Variants in TMEM132D observed in about 807,000 individuals in gnomAD.
TMEM132D encodes the protein transmembrane protein 132D, also known as mature OL transmembrane protein.
TMEM132D carries 21 observed loss-of-function variants against 62.3 expected under a neutral mutation model. The observed-to-expected ratio is 0.34, with a 90% confidence interval of 0.24 to 0.49. TMEM132D has a LOEUF of 0.49. Among genes scored for constraint, TMEM132D ranks in the 20% least tolerant of loss-of-function variants. TMEM132D has a pLI of 0.99. For synonymous variants in TMEM132D, 621 were observed against 575.6 expected, an observed-to-expected ratio of 1.08 and a Z score of -1.13; for missense variants, 1,346 against 1,402.8, an observed-to-expected ratio of 0.96 and a Z score of 0.65.
intron 2 of TMEM132D, among the ~76,000 whole-genome samples, chr12:129,547,896 C>G (rs12321807): frequency 1.3e-5 from 2 of 152,228 alleles, no homozygotes; most frequent in East Asian, 3.9e-4. Context: ...AGCTAGTGGG[C>G]GGCCGACTCC....
rs761892015 is a variant in TMEM132D at position 129,524,920 on chromosome 12, C to CTTTTTTT, written c.1115+6138_1115+6139insAAAAAAA. Among the ~76,000 whole-genome samples the CTTTTTTT allele has an allele frequency of 6.4e-4, 59 of 92,160 alleles. 7 individuals are homozygous for CTTTTTTT. Among genetic ancestry groups the CTTTTTTT allele is most frequent in the African/African-American group, 8.5e-4 (19 of 22,484 alleles). The allele number at this position is 92,160 out of a possible 152,430, so 60.5% of individuals were successfully genotyped here. On this transcript the variant is annotated intron_variant, in intron 3 of 8. Coordinates refer to ENST00000422113, the MANE Select transcript of TMEM132D (RefSeq NM_133448.3). ...CATTTTATTATTTTCATATTTTTTTCTTTTTTCTTTTTTTTTTTTTTTTTG... is the reference window on the plus strand; with the variant it reads ...CATTTTATTATTTTCATATTTTTTTCTTTTTTTTTTTTTCTTTTTTTTTTTTTTTTTG...
rs2137226429 is a variant in TMEM132D, at chr12:129,700,209, C to T, written c.569G>A (p.Gly190Glu). ...RGSCRLQGDLGLCVAELELLS... is the reference protein window; with the variant it reads ...RGSCRLQGDLELCVAELELLS... ...GAGCTCCAGCTCGGCCACGCACAGC[C>T]CCAGGTCCCCCTGCAGCCGGCAGCT... Residue 190 changes from glycine to glutamate, a missense_variant, in exon 2 of 9, where the codon GGG becomes GAG. Coordinates refer to ENST00000422113, the MANE Select transcript of TMEM132D (RefSeq NM_133448.3). 6.2e-7 allele frequency: 1 copy of T among 1,612,836 alleles called. No individual in the cohort carries two copies. The highest frequency in any genetic ancestry group is 8.5e-7 in the Non-Finnish European group (1 of 1,179,928).
intron 5 of TMEM132D, chr12:129,113,343 C>T (rs754199239): frequency 2.0e-5 from 3 of 152,174 alleles, no homozygotes; most frequent in Non-Finnish European, 4.4e-5. Context: ...GGCAGATGGA[C>T]CTAGGCTGAA....
chr12:129,517,908 T>C (rs1875730295), intron 3 of TMEM132D, among the ~76,000 whole-genome samples: 1 of 152,202 alleles, frequency 6.6e-6, no homozygotes, highest in Non-Finnish European at 1.5e-5. Context: ...CCTTGAAACT[T>C]ATCGGTGTCC....
chr12:129,877,303 G>C (rs1173360020), intron 1 of TMEM132D, among the ~76,000 whole-genome samples: 1 of 151,412 alleles, frequency 6.6e-6, no homozygotes, highest in Non-Finnish European at 1.5e-5. Flanking sequence ...ACACACTGTG[G>C]GTAAGAAGAA....
At position 129,371,793 on chromosome 12, in the gene TMEM132D, T is replaced by C. The variant is rs1009715816; in HGVS notation, c.1116-33976A>G. Among the ~76,000 whole-genome samples, 1 of 152,178 alleles carries C rather than the reference T, an allele frequency of 6.6e-6. No homozygotes were observed. The highest frequency in any genetic ancestry group is 1.5e-5 in the Non-Finnish European group (1 of 68,036). ...CGTATCTGCTGAACCTAGTTCAGTGTGTGGTGATATCAAGAGACTTTCCAA... is the reference window on the plus strand; with the variant it reads ...CGTATCTGCTGAACCTAGTTCAGTGCGTGGTGATATCAAGAGACTTTCCAA... On this transcript the variant is annotated intron_variant, in intron 3 of 8. Transcript: ENST00000422113. This position sits in a 1 kb window ranked among gnomAD's most constrained non-coding sequence, Gnocchi z 4.3.
intron 2 of TMEM132D, among the ~76,000 whole-genome samples, chr12:129,687,224 A>G (rs1241133837): frequency 6.6e-6 from 1 of 152,184 alleles, no homozygotes; most frequent in Non-Finnish European, 1.5e-5. Context: ...AGGGATACTC[A>G]TGCAACATTA....
intron 2 of TMEM132D, among the ~76,000 whole-genome samples, chr12:129,669,422 T>TG (rs1880450049): frequency 6.6e-6 from 1 of 152,120 alleles, no homozygotes; most frequent in African/African-American, 2.4e-5. Context: ...TTGGGAGTTG[T>TG]GGCCAGGTGC....
intron 1 of TMEM132D, among the ~76,000 whole-genome samples, chr12:129,778,482 C>T (rs145133302): frequency 7.9e-5 from 12 of 152,230 alleles, no homozygotes; most frequent in South Asian, 2.1e-4. Context: ...TTGTGACTCC[C>T]GAAAGACACG....
At chr12:129,386,561 C>A (rs1216265666) in intron 3 of TMEM132D, among the ~76,000 whole-genome samples, 1 of 151,812 alleles carries the variant, frequency 6.6e-6, no homozygotes, top group Non-Finnish European at 1.5e-5. Flanking sequence ...CCAACCAATA[C>A]TAACACTAAC....
rs1027506462 is a variant in TMEM132D at position 129,610,312 on chromosome 12, G to A, written c.969-79107C>T. Among the ~76,000 whole-genome samples, 4 of 151,566 alleles carry A rather than the reference G, an allele frequency of 2.6e-5. No homozygotes were observed. In the South Asian group the frequency reaches 6.2e-4, roughly 24 times the overall value. ...AAAAAAAAGAGAGACAGAGAGAGAG[G>A]GAAAAGCAGTACATTATTGAATTGA... On this transcript the variant is annotated intron_variant, in intron 2 of 8. Transcript: ENST00000422113.
intron 1 of TMEM132D, among the ~76,000 whole-genome samples, chr12:129,819,966 A>T (rs992924332): frequency 6.6e-6 from 1 of 152,026 alleles, no homozygotes; most frequent in Non-Finnish European, 1.5e-5. Context: ...CGTGGACATG[A>T]CTGCTCTCAA....
chr12:129,130,762 C>T (rs950301219), intron 5 of TMEM132D, among the ~76,000 whole-genome samples: 8 of 152,086 alleles, frequency 5.3e-5, no homozygotes, highest in Admixed American at 1.3e-4. Context: ...AGAATTAGCA[C>T]GTCTAGATCA....
chr12:129,362,602 T>G (rs1212993924), intron 3 of TMEM132D, among the ~76,000 whole-genome samples: 8 of 152,218 alleles, frequency 5.3e-5, no homozygotes, highest in African/African-American at 1.9e-4. Flanking sequence ...TGGGAGTCTT[T>G]TTCTTATTTT....
chr12:129,686,278 C>T (rs1181202245), intron 2 of TMEM132D, among the ~76,000 whole-genome samples: 1 of 152,186 alleles, frequency 6.6e-6, no homozygotes, highest in East Asian at 1.9e-4. Context: ...GAGAGGGACC[C>T]GGTGGGAGTA....
intron 1 of TMEM132D, among the ~76,000 whole-genome samples, chr12:129,877,508 C>CCA (rs1874456455): frequency 6.6e-6 from 1 of 152,234 alleles, no homozygotes; most frequent in East Asian, 1.9e-4. Context: ...TCTCATTCAT[C>CCA]TGGCTTCCCA....
At chr12:129,383,827 C>G (rs1871025296) in intron 3 of TMEM132D, among the ~76,000 whole-genome samples, 1 of 152,166 alleles carries the variant, frequency 6.6e-6, no homozygotes, top group Non-Finnish European at 1.5e-5. Context: ...ACATGGATAA[C>G]TTAAGAAGTA....
At chr12:129,251,559 TCGTTCAAATTTGTTTCTTTTTGAAGA>T (rs1485757917) in intron 4 of TMEM132D, among the ~76,000 whole-genome samples, 2 of 152,056 alleles carry the variant, frequency 1.3e-5, no homozygotes, top group Admixed American at 1.3e-4. Flanking sequence ...ACTTTAAAGC[TCGTTCAAATTTGTTTCTTTTTGAAGA>T]CTAAATAGGT....
chr12:129,357,616 G>T (rs1432622971), intron 3 of TMEM132D, among the ~76,000 whole-genome samples: 2 of 152,074 alleles, frequency 1.3e-5, no homozygotes, highest in Non-Finnish European at 2.9e-5. Context: ...AAGAAAGAAA[G>T]AAGTGAAGTG....
Sources: gnomAD v4.1 joint callset for allele counts (sites outside exome capture counted in the v4.1 genomes callset) on GRCh38, gnomAD v4.1.1 for gene constraint, Gnocchi (gnomAD v3.1) non-coding constraint, MANE v1.5 for transcripts, NCBI Gene and HGNC (gene_info 2026-07-23, HGNC 2026-07-21) for gene names.